BRAF: variants seen among roughly 807,000 people sequenced by gnomAD.
BRAF encodes the protein serine/threonine-protein kinase B-raf.
Under a neutral mutation model 104.6 loss-of-function variants are expected in BRAF, and 16 were observed. That is an observed-to-expected ratio of 0.15 (90% CI 0.10 to 0.23). The LOEUF (loss-of-function observed/expected upper bound fraction) is 0.23. Among genes scored for constraint, BRAF ranks in the 10% least tolerant of loss-of-function variants. BRAF has a pLI of 1.00. For missense variants in BRAF, 541 were observed against 937.3 expected (o/e 0.58, Z 5.52); for synonymous variants, 310 against 341.6 (o/e 0.91, Z 1.02).
chr7:140,907,665 C>T (rs768323672), intron 1 of BRAF, among the ~76,000 whole-genome samples: 21 of 151,840 alleles, frequency 1.4e-4, no homozygotes, highest in South Asian at 6.2e-4. Flanking sequence ...TGGGCTCAAG[C>T]GGGTCCCAAA....
chr7:140,776,820 A>G (rs2129017960), intron 14 of BRAF, 92 bp downstream of exon 13: 1 of 1,246,986 alleles, frequency 8.0e-7, no homozygotes, highest in South Asian at 1.2e-5. Flanking sequence ...GTAATTTAAA[A>G]TGCAATCCAA....
intron 10 of BRAF, among the ~76,000 whole-genome samples, chr7:140,783,992 A>G (rs1212454651): frequency 2.6e-5 from 4 of 152,214 alleles, no homozygotes; most frequent in Admixed American, 1.3e-4. Flanking sequence ...CTCATGGCAA[A>G]CATCCTGAGT....
At chr7:140,918,905 T>C (rs539523867) in intron 1 of BRAF, among the ~76,000 whole-genome samples, 122 of 152,278 alleles carry the variant, frequency 8.0e-4, no homozygotes, top group African/African-American at 2.8e-3. Flanking sequence ...TTTGGGAGGC[T>C]GAGGCGGGCA....
the BRAF span, among the ~76,000 whole-genome samples, chr7:140,713,401 A>G: frequency 1.3e-5 from 2 of 152,164 alleles, no homozygotes; most frequent in African/African-American, 2.4e-5. Flanking sequence ...AGTTGATCGA[A>G]TCGGCTACTG....
chr7:140,762,666 G>A (rs1245450775), intron 14 of BRAF, among the ~76,000 whole-genome samples: 11 of 148,386 alleles, frequency 7.4e-5, no homozygotes, highest in Non-Finnish European at 1.2e-4. Context: ...GGGGTATTTG[G>A]CAGGGTCATA....
At chr7:140,881,973 T>C (rs988711653) in intron 1 of BRAF, among the ~76,000 whole-genome samples, 3 of 152,144 alleles carry the variant, frequency 2.0e-5, no homozygotes, top group African/African-American at 2.4e-5. Flanking sequence ...GTTTGAAATA[T>C]TGCAAGAATT....
At chr7:140,737,864 T>G (rs899154957) in intron 18 of BRAF, among the ~76,000 whole-genome samples, 10 of 152,252 alleles carry the variant, frequency 6.6e-5, no homozygotes, top group Non-Finnish European at 1.5e-4. Flanking sequence ...AGTTCACATA[T>G]GCACTTCAGT....
chr7:140,883,355 C>T (rs1306961144), intron 1 of BRAF, among the ~76,000 whole-genome samples: 1 of 152,152 alleles, frequency 6.6e-6, no homozygotes, highest in Non-Finnish European at 1.5e-5. Flanking sequence ...ATTTATTTTT[C>T]CAGTTAGCCA....
intron 1 of BRAF, among the ~76,000 whole-genome samples, chr7:140,918,362 C>A (rs1817842516): frequency 6.6e-6 from 1 of 152,168 alleles, no homozygotes; most frequent in Admixed American, 6.5e-5. Flanking sequence ...CAATCTAGAT[C>A]CCTCACATGC....
chr7:140,856,372 T>C (rs773305930), intron 1 of BRAF, among the ~76,000 whole-genome samples: 39 of 152,184 alleles, frequency 2.6e-4, no homozygotes, highest in Middle Eastern at 3.4e-3. Flanking sequence ...AACCACTTAG[T>C]TGGAAAAATT....
Position 140,722,943 on chromosome 7 carries a change from G to C in BRAF, c.*3551C>G. 9.5e-7 allele frequency: 1 copy of C among 1,054,680 alleles called. No individual in the cohort carries two copies. 65.3% of individuals were successfully genotyped at this position (1,054,680 alleles called of 1,614,324 possible). A position where few individuals can be genotyped will look rare whatever the true frequency, so the allele number is the denominator to read the frequency against. ...CAGTATTACTGCTTAAATGTATAATGCCCTTTAGGACAAAATGAGAGTGCT... is the reference window on the plus strand; with the variant it reads ...CAGTATTACTGCTTAAATGTATAATCCCCTTTAGGACAAAATGAGAGTGCT... On this transcript the variant is annotated 3_prime_UTR_variant, in exon 20 of 20. Transcript: ENST00000644969.
At chr7:140,906,491 A>G (rs1343743693) in intron 1 of BRAF, among the ~76,000 whole-genome samples, 1 of 152,134 alleles carries the variant, frequency 6.6e-6, no homozygotes, top group Non-Finnish European at 1.5e-5. Context: ...CTTGTCACAT[A>G]TTTTAATTAA....
At chr7:140,822,485 T>C (rs765717211) in intron 3 of BRAF, 1 of 152,262 alleles carries the variant, frequency 6.6e-6, no homozygotes, top group African/African-American at 2.4e-5. Flanking sequence ...CTGTTGTCAC[T>C]ATAGAAGAGT....
At chr7:140,766,172 C>G (rs541145282) in intron 14 of BRAF, among the ~76,000 whole-genome samples, 1 of 152,052 alleles carries the variant, frequency 6.6e-6, no homozygotes, top group African/African-American at 2.4e-5. Context: ...TCATCATTCT[C>G]AGTAAACTAT....
At chr7:140,909,349 C>T (rs1397749298) in intron 1 of BRAF, among the ~76,000 whole-genome samples, 1 of 152,044 alleles carries the variant, frequency 6.6e-6, no homozygotes, top group Non-Finnish European at 1.5e-5. Flanking sequence ...CGCTTGAACC[C>T]GGGAGGCGAA....
chr7:140,778,106 T>C, intron 12 of BRAF, 31 bp from the exon 12 acceptor site: 1 of 1,606,864 alleles, frequency 6.2e-7, no homozygotes. Context: ...CAAGTGTCAT[T>C]TCAATTTTTA....
chr7:140,847,583 GA>G (rs773534576), intron 2 of BRAF, among the ~76,000 whole-genome samples: 101 of 148,520 alleles, frequency 6.8e-4, no homozygotes, highest in South Asian at 8.5e-4. Flanking sequence ...TCCATCTCAG[GA>G]GGAAAAAAAA....
chr7:140,799,731 C>T (rs990935449), intron 7 of BRAF: 1 of 232,216 alleles, frequency 4.3e-6, no homozygotes, highest in Non-Finnish European at 8.5e-6. Context: ...AACATGAATA[C>T]ATTTATGTCC....
rs1367289620 is a variant in BRAF at position 140,724,226 on chromosome 7, T to C, written c.*2268A>G. ...CCCTGCCCCTGCCCCACGGAGGCAG[T>C]CCCGGACCCAGGCTGCACATGTTCT... On this transcript the variant is annotated 3_prime_UTR_variant, in exon 20 of 20. Coordinates refer to ENST00000644969, the MANE Select transcript of BRAF (RefSeq NM_001374258.1). The C allele has an allele frequency of 2.8e-6, 3 of 1,058,944 alleles. No homozygotes were observed. The highest frequency in any genetic ancestry group is 3.4e-6 in the Non-Finnish European group (3 of 875,414). The allele number at this position is 1,058,944 out of a possible 1,614,324, so 65.6% of individuals were successfully genotyped here.
Sources: allele counts gnomAD v4.1 joint callset (sites outside exome capture counted in the v4.1 genomes callset), GRCh38; gene constraint gnomAD v4.1.1; transcripts MANE v1.5; gene names NCBI Gene and HGNC (gene_info 2026-07-23, HGNC 2026-07-21).